HNRNPUL1: variants seen among roughly 807,000 people sequenced by gnomAD.
HNRNPUL1 encodes the protein heterogeneous nuclear ribonucleoprotein U-like protein 1.
Under a neutral mutation model 108.5 loss-of-function variants are expected in HNRNPUL1, and 14 were observed. That is an observed-to-expected ratio of 0.13 (90% CI 0.09 to 0.20). The LOEUF is 0.20. Ranked by LOEUF, HNRNPUL1 falls within the 10% of genes least tolerant of loss-of-function variation. HNRNPUL1 has a pLI of 1.00. For synonymous variants in HNRNPUL1, 422 were observed against 445.2 expected (o/e 0.95, Z 0.66); for missense variants, 804 against 1,168.3 (o/e 0.69, Z 4.55).
chr19:41,289,398 CA>C (rs2036446449), intron 7 of HNRNPUL1, among the ~76,000 whole-genome samples: 2 of 152,280 alleles, frequency 1.3e-5, no homozygotes, highest in African/African-American at 4.8e-5. Flanking sequence ...CCCATTTCAG[CA>C]AACCATAAAG....
chr19:41,306,338 T>G, intron 14 of HNRNPUL1, 111 bp from the exon 15 acceptor site: 1 of 677,848 alleles, frequency 1.5e-6, no homozygotes, highest in East Asian at 2.9e-5. Context: ...GGACCTGTGT[T>G]CAACTGTTGT....
rs181859281 is a variant in HNRNPUL1 at position 41,292,585 on chromosome 19, C to G, written c.1266+74C>G. ...GGAGACACACACACACACACACACA[C>G]AGACTTGCTGCGAGAGTAGCCTTGG... is the stretch of plus-strand genomic sequence containing the variant. On this transcript the variant is annotated intron_variant, in intron 8 of 14. Coordinates refer to ENST00000392006, the MANE Select transcript of HNRNPUL1 (RefSeq NM_007040.6). This position sits in a 1 kb window ranked among gnomAD's most constrained non-coding sequence, Gnocchi z 4.1. 4 of 1,476,028 alleles carry G rather than the reference C, an allele frequency of 2.7e-6. No homozygotes were observed. The highest frequency in any genetic ancestry group is 3.7e-6 in the Non-Finnish European group (4 of 1,069,614). The allele number at this position is 1,476,028 out of a possible 1,614,324, so 91.4% of individuals were successfully genotyped here. A position where few individuals can be genotyped will look rare whatever the true frequency, so the allele number is the denominator to read the frequency against.
At chr19:41,278,146 C>A (rs1203451293) in intron 5 of HNRNPUL1, among the ~76,000 whole-genome samples, 1 of 151,684 alleles carries the variant, frequency 6.6e-6, no homozygotes, top group Non-Finnish European at 1.5e-5. Flanking sequence ...TGCAACGTCT[C>A]CCTCCTGGGT....
At chr19:41,272,824 C>G (rs144255989) in intron 3 of HNRNPUL1, among the ~76,000 whole-genome samples, 1 of 152,302 alleles carries the variant, frequency 6.6e-6, no homozygotes, top group East Asian at 1.9e-4. Flanking sequence ...TGGTCATTTC[C>G]CTTCCCTAAC....
chr19:41,292,852 T>C lies in HNRNPUL1; in HGVS notation c.1266+341T>C, dbSNP rs376619314. On this transcript the variant is annotated intron_variant, in intron 8 of 14. Transcript: ENST00000392006. The surrounding 1 kb of genome is among the most constrained non-coding windows in gnomAD (Gnocchi z 4.1). ...TGCACTGTGCCACCAAGTGTTCTTT[T>C]TTTTTCTTTAGAGACAGGGTCTCGC... 7.9e-5 allele frequency among the ~76,000 whole-genome samples: 12 copies of C among 152,264 alleles called. 1 individual carries two copies. Among genetic ancestry groups the C allele is most frequent in the African/African-American group, 2.9e-4 (12 of 41,550 alleles).
intron 7 of HNRNPUL1, among the ~76,000 whole-genome samples, chr19:41,290,546 T>C (rs1365631672): frequency 6.6e-6 from 1 of 152,196 alleles, no homozygotes; most frequent in Non-Finnish European, 1.5e-5. Flanking sequence ...AGCCCCTTAT[T>C]TCTAGCACAG....
At chr19:41,299,756 C>CT (rs1306441847) in intron 10 of HNRNPUL1, among the ~76,000 whole-genome samples, 1 of 152,124 alleles carries the variant, frequency 6.6e-6, no homozygotes, top group Non-Finnish European at 1.5e-5. Flanking sequence ...TCCCCAAAGC[C>CT]TGTGTTCATT....
rs1443788090 is a variant in HNRNPUL1, at chr19:41,274,531, G to A, written c.646+476G>A. On this transcript the variant is annotated intron_variant, in intron 4 of 14. Transcript: ENST00000392006. ...GTCCTGTGAGGCACTAACCTGGCCC[G>A]CCCTGCTGTCTGTCCTCCAGTTCAG... 3.9e-5 allele frequency among the ~76,000 whole-genome samples: 6 copies of A among 152,174 alleles called. No homozygotes were observed. The South Asian group carries it at 6.2e-4, about 16-fold the overall frequency.
chr19:41,281,057 A>C (rs1173445860), intron 6 of HNRNPUL1, 106 bp from the exon 7 acceptor site: 3 of 729,702 alleles, frequency 4.1e-6, no homozygotes, highest in Non-Finnish European at 7.2e-6. Flanking sequence ...TAATAAAACT[A>C]GTAAAGAAAA....
At chr19:41,306,110 G>T (rs1003900044) in intron 14 of HNRNPUL1, among the ~76,000 whole-genome samples, 4 of 152,154 alleles carry the variant, frequency 2.6e-5, no homozygotes, top group African/African-American at 7.2e-5. Flanking sequence ...AAGTACCAGG[G>T]GCCTCAGAGT....
At chr19:41,290,458 C>G (rs2036518373) in intron 7 of HNRNPUL1, among the ~76,000 whole-genome samples, 1 of 152,174 alleles carries the variant, frequency 6.6e-6, no homozygotes, top group African/African-American at 2.4e-5. Flanking sequence ...CCACCAGCAT[C>G]AAGTTCAAAT....
chr19:41,301,455 C>T, intron 10 of HNRNPUL1, 81 bp from the exon 11 acceptor site: 1 of 1,186,400 alleles, frequency 8.4e-7, no homozygotes, highest in Non-Finnish European at 1.2e-6. Context: ...TTCTCAGTCC[C>T]TGGCCTACAT....
At chr19:41,302,978 A>G (rs1342170030) in intron 12 of HNRNPUL1, 29 bp downstream of exon 12, 1 of 1,507,568 alleles carries the variant, frequency 6.6e-7, no homozygotes, top group East Asian at 2.3e-5. Flanking sequence ...AGCACTCTCC[A>G]CTTTCTGTTC....
In HNRNPUL1 at chr19:41,274,068, AGT is replaced by A. The variant is rs1568432904; in HGVS notation, c.646+17_646+18del. The A allele has an allele frequency of 6.2e-7, 1 of 1,607,620 alleles. No individual in the cohort carries two copies. Among genetic ancestry groups the A allele is most frequent in the Admixed American group, 1.7e-5 (1 of 60,000 alleles). On this transcript the variant is annotated intron_variant, in intron 4 of 14. Coordinates refer to ENST00000392006, the MANE Select transcript of HNRNPUL1 (RefSeq NM_007040.6). ...GCTATTGACACCTGTAAGTCTTTGG[AGT>A]GTGCATCTAATTCTGCCTTACAGTC...
At chr19:41,271,037 A>G (rs2035205176) in intron 2 of HNRNPUL1, among the ~76,000 whole-genome samples, 1 of 152,218 alleles carries the variant, frequency 6.6e-6, no homozygotes, top group Non-Finnish European at 1.5e-5. Context: ...TTTGGAAAGC[A>G]GGGTCCCACT....
chr19:41,307,110 CTTTT>C lies in HNRNPUL1; in HGVS notation c.*550_*553del, dbSNP rs1020604658. The C allele has an allele frequency of 6.6e-6, 1 of 151,208 alleles. No homozygotes were observed. Among genetic ancestry groups the C allele is most frequent in the Admixed American group, 6.6e-5 (1 of 15,166 alleles). The allele number at this position is 151,208 out of a possible 1,614,324, so 9.4% of individuals were successfully genotyped here. ...GTGACTTTTTTTTGGTAATTATGCG[CTTTT>C]TTTTAATTTTTAGAATTTGTCTTTT... On this transcript the variant is annotated 3_prime_UTR_variant, in exon 15 of 15. Coordinates refer to ENST00000392006, the MANE Select transcript of HNRNPUL1 (RefSeq NM_007040.6).
At chr19:41,274,232 A>G (rs1379538243) in intron 4 of HNRNPUL1, among the ~76,000 whole-genome samples, 177 bp downstream of exon 4, 2 of 152,206 alleles carry the variant, frequency 1.3e-5, no homozygotes, top group Non-Finnish European at 2.9e-5. Context: ...ACCTACTCCC[A>G]ACTCTAGCAG....
rs796726044 is a variant in HNRNPUL1, at chr19:41,287,620, C to T, written c.1000-4625C>T. 6.6e-5 allele frequency among the ~76,000 whole-genome samples: 10 copies of T among 152,156 alleles called. 1 individual carries two copies. The highest frequency in any genetic ancestry group is 1.9e-4 in the East Asian group (1 of 5,170). On this transcript the variant is annotated intron_variant, in intron 7 of 14. Coordinates refer to ENST00000392006, the MANE Select transcript of HNRNPUL1 (RefSeq NM_007040.6). ...TGTCACCCAATCTGGAGTGCAGTGG[C>T]GCAATCTCAGCTCACCACAACCTCC...
At chr19:41,275,884 C>T (rs1359616929) in intron 4 of HNRNPUL1, among the ~76,000 whole-genome samples, 2 of 152,264 alleles carry the variant, frequency 1.3e-5, no homozygotes, top group East Asian at 3.9e-4. Context: ...AGGTGGATCA[C>T]CTGAGGTCGG....
Sources: allele counts gnomAD v4.1 joint callset (sites outside exome capture counted in the v4.1 genomes callset), GRCh38; gene constraint gnomAD v4.1.1; non-coding constraint Gnocchi (gnomAD v3.1); transcripts MANE v1.5; gene names NCBI Gene and HGNC (gene_info 2026-07-23, HGNC 2026-07-21).